TTLL13: variants seen among roughly 807,000 people sequenced by gnomAD.
TTLL13 encodes the protein tubulin polyglutamylase TTLL13.
the TTLL13 span, among the ~76,000 whole-genome samples, chr15:90,254,859 A>G: frequency 1.3e-5 from 2 of 152,166 alleles, no homozygotes; most frequent in Admixed American, 6.6e-5. Flanking sequence ...GAAGGGGGAA[A>G]AAAAAAGGAT....
chr15:90,250,823 G>A, the TTLL13 span: 3 of 1,614,170 alleles, frequency 1.9e-6, no homozygotes, highest in South Asian at 2.2e-5. Flanking sequence ...TCCGAAGAAA[G>A]TCATAGCCCC....
At chr15:90,257,379 C>T in the TTLL13 span, 16 of 1,483,228 alleles carry the variant, frequency 1.1e-5, no homozygotes, top group Non-Finnish European at 1.4e-5. Flanking sequence ...CACCAAAGAA[C>T]AAGGAATGAA....
chr15:90,253,458 C>A, the TTLL13 span: 1 of 831,782 alleles, frequency 1.2e-6, no homozygotes, highest in African/African-American at 1.7e-5. Flanking sequence ...GACTGCTACT[C>A]TTTGTGGCTG....
the TTLL13 span, among the ~76,000 whole-genome samples, chr15:90,252,936 G>A: frequency 6.6e-6 from 1 of 152,162 alleles, no homozygotes; most frequent in East Asian, 1.9e-4. Context: ...CTGGGAGGCG[G>A]AGGTTGCAGT....
the TTLL13 span, chr15:90,257,570 T>C: frequency 1.4e-6 from 2 of 1,441,350 alleles, no homozygotes; most frequent in Non-Finnish European, 1.9e-6. Context: ...AGCAACAAGG[T>C]AATGAAGGGC....
chr15:90,252,292 C>T, the TTLL13 span, among the ~76,000 whole-genome samples: 1 of 152,040 alleles, frequency 6.6e-6, no homozygotes, highest in Admixed American at 6.6e-5. Context: ...CCACCTCAGC[C>T]TCCCAAAGTG....
the TTLL13 span, chr15:90,250,474 C>A: frequency 2.4e-6 from 2 of 828,558 alleles, no homozygotes; most frequent in Non-Finnish European, 3.7e-6. Context: ...TCCCATTCCT[C>A]AGTGAAACAG....
At chr15:90,259,352 T>C in the TTLL13 span, among the ~76,000 whole-genome samples, 1 of 151,762 alleles carries the variant, frequency 6.6e-6, no homozygotes, top group Non-Finnish European at 1.5e-5. Context: ...TTTGCACCAC[T>C]GCACTCCAGC....
chr15:90,260,985 A>T, the TTLL13 span, among the ~76,000 whole-genome samples: 1 of 152,188 alleles, frequency 6.6e-6, no homozygotes, highest in African/African-American at 2.4e-5. Context: ...CTCATAATCA[A>T]CATGCTAATT....
chr15:90,257,376 G>T, the TTLL13 span: 7 of 1,490,552 alleles, frequency 4.7e-6, no homozygotes, highest in Non-Finnish European at 6.3e-6. Flanking sequence ...TGTCACCAAA[G>T]AACAAGGAAT....
At chr15:90,251,059 C>T in the TTLL13 span, among the ~76,000 whole-genome samples, 6 of 151,748 alleles carry the variant, frequency 4.0e-5, no homozygotes, top group African/African-American at 1.5e-4. Context: ...AAATTCAGAA[C>T]CATTTAGGCT....
chr15:90,258,442 G>C, the TTLL13 span: 1 of 665,610 alleles, frequency 1.5e-6, no homozygotes, highest in Non-Finnish European at 2.6e-6. Flanking sequence ...GACCTGCTGA[G>C]TCAAATCTTG....
the TTLL13 span, chr15:90,249,851 C>T: frequency 6.6e-6 from 1 of 152,230 alleles, no homozygotes; most frequent in Non-Finnish European, 1.5e-5. Flanking sequence ...TCTTAGCCAT[C>T]GGGTGCCTGT....
chr15:90,252,142 C>T, the TTLL13 span, among the ~76,000 whole-genome samples: 1 of 151,832 alleles, frequency 6.6e-6, no homozygotes, highest in Admixed American at 6.6e-5. Flanking sequence ...CAGGTTCAAG[C>T]GATTCTCCTG....
At chr15:90,256,608 TCCTTCC>T in the TTLL13 span, among the ~76,000 whole-genome samples, 1 of 55,440 alleles carries the variant, frequency 1.8e-5, no homozygotes, top group African/African-American at 1.2e-4. Context: ...TTTCTTTCTT[TCCTTCC>T]TTCCTTCCTT....
chr15:90,253,540 T>C, the TTLL13 span, among the ~76,000 whole-genome samples: 77,317 of 152,020 alleles, frequency 0.51, 20,722 homozygotes, highest in East Asian at 0.69. Context: ...TCTTGGAGAT[T>C]GTGGGTTTCT....
chr15:90,253,507 T>G, the TTLL13 span: 1 of 510,430 alleles, frequency 2.0e-6, no homozygotes, highest in Non-Finnish European at 3.5e-6. Context: ...CCCAGGGTCT[T>G]CTTTTCCAAT....
chr15:90,265,090 C>T, the TTLL13 span: 1 of 1,325,484 alleles, frequency 7.5e-7, no homozygotes, highest in Non-Finnish European at 1.0e-6. Context: ...CCCAGGAACC[C>T]CATTTGTATA....
chr15:90,264,161 T>C, the TTLL13 span: 1 of 707,928 alleles, frequency 1.4e-6, no homozygotes, highest in Non-Finnish European at 2.3e-6. Context: ...CTTCCACCAG[T>C]GTAAGAATGG....
Sources: allele counts gnomAD v4.1 joint callset (sites outside exome capture counted in the v4.1 genomes callset), GRCh38; gene constraint gnomAD v4.1.1; transcripts MANE v1.5; gene names NCBI Gene and HGNC (gene_info 2026-07-23, HGNC 2026-07-21).